Variants in CHLSN observed in about 807,000 individuals in gnomAD.
The protein encoded by CHLSN is cholesin, also known as protein cholesin.
chr7:1,010,410 C>A, the CHLSN span, among the ~76,000 whole-genome samples: 3 of 152,222 alleles, frequency 2.0e-5, no homozygotes, highest in East Asian at 5.8e-4. Flanking sequence ...CCCCCGTGGT[C>A]CACCTCCCAC....
the CHLSN span, among the ~76,000 whole-genome samples, chr7:996,472 C>T: frequency 5.1e-4 from 77 of 152,322 alleles, no homozygotes; most frequent in African/African-American, 1.8e-3. Context: ...GACGGCAGCA[C>T]AAACCCCCAA....
At chr7:1,020,883 C>T in the CHLSN span, among the ~76,000 whole-genome samples, 3 of 152,234 alleles carry the variant, frequency 2.0e-5, no homozygotes, top group Non-Finnish European at 4.4e-5. Context: ...CCGTTTGTAA[C>T]GTCCTGATAC....
the CHLSN span, among the ~76,000 whole-genome samples, chr7:1,122,420 C>T: frequency 2.6e-5 from 4 of 152,322 alleles, no homozygotes; most frequent in East Asian, 3.9e-4. Flanking sequence ...AGCAGCCACT[C>T]GGCTGGCTCT....
At chr7:1,038,289 G>A in the CHLSN span, among the ~76,000 whole-genome samples, 6 of 95,014 alleles carry the variant, frequency 6.3e-5, 2 homozygotes, top group East Asian at 3.3e-4. Flanking sequence ...CAGCCATGCC[G>A]TCCGGGAGGG....
chr7:1,118,799 CA>C, the CHLSN span, among the ~76,000 whole-genome samples: 7,758 of 74,894 alleles, frequency 0.1, 88 homozygotes, highest in African/African-American at 0.11. Flanking sequence ...CCATCTCTAC[CA>C]AAAAAAAAAA....
At chr7:1,127,588 CCTTT>C in the CHLSN span, among the ~76,000 whole-genome samples, 5 of 151,714 alleles carry the variant, frequency 3.3e-5, no homozygotes, top group African/African-American at 4.8e-5. Flanking sequence ...TGGTATATTT[CCTTT>C]CTGTCTTTTT....
the CHLSN span, among the ~76,000 whole-genome samples, chr7:1,120,464 G>C: frequency 6.6e-6 from 1 of 152,042 alleles, no homozygotes; most frequent in Non-Finnish European, 1.5e-5. Context: ...GCCAATTTTT[G>C]TATTTTTTAT....
the CHLSN span, among the ~76,000 whole-genome samples, chr7:1,132,430 C>T: frequency 2.0e-5 from 3 of 152,088 alleles, no homozygotes; most frequent in African/African-American, 4.8e-5. Context: ...CTGTGGCTCA[C>T]GCCTCTAATC....
chr7:1,002,696 G>A, the CHLSN span, among the ~76,000 whole-genome samples: 2 of 81,430 alleles, frequency 2.5e-5, no homozygotes, highest in African/African-American at 7.0e-5. Context: ...CGGGTGAGTG[G>A]AGCCCTGTGG....
chr7:1,074,147 C>T, the CHLSN span, among the ~76,000 whole-genome samples: 1 of 10,626 alleles, frequency 9.4e-5, no homozygotes, highest in African/African-American at 4.2e-4. Flanking sequence ...GCTGCCGTCA[C>T]GCCCCCGACC....
chr7:983,161 C>CG, the CHLSN span: 37 of 1,409,428 alleles, frequency 2.6e-5, no homozygotes, highest in South Asian at 7.5e-5. Flanking sequence ...TATAAGGGTG[C>CG]GGGGGGGACG....
chr7:1,103,677 C>A, the CHLSN span, among the ~76,000 whole-genome samples: 1 of 152,210 alleles, frequency 6.6e-6, no homozygotes, highest in African/African-American at 2.4e-5. Context: ...TCATTATGAT[C>A]GAGTTTAAAC....
the CHLSN span, among the ~76,000 whole-genome samples, chr7:1,126,115 A>AT: frequency 6.6e-6 from 1 of 152,052 alleles, no homozygotes; most frequent in African/African-American, 2.4e-5. Flanking sequence ...TAATCCCAGC[A>AT]CTTGGGAGGC....
chr7:1,100,842 G>A, the CHLSN span, among the ~76,000 whole-genome samples: 14 of 152,108 alleles, frequency 9.2e-5, no homozygotes, highest in South Asian at 4.1e-4. Flanking sequence ...ACGACACCCC[G>A]AAAGGACAGC....
chr7:1,061,167 C>G, the CHLSN span, among the ~76,000 whole-genome samples: 1 of 152,218 alleles, frequency 6.6e-6, no homozygotes, highest in African/African-American at 2.4e-5. Context: ...ATTTCAATTT[C>G]TCAGTGGCTT....
At chr7:996,772 G>A in the CHLSN span, among the ~76,000 whole-genome samples, 3 of 152,356 alleles carry the variant, frequency 2.0e-5, no homozygotes, top group South Asian at 6.2e-4. Flanking sequence ...ATTCTGTGCG[G>A]CCTAAGTGTG....
chr7:1,014,238 A>G, the CHLSN span, among the ~76,000 whole-genome samples: 2 of 152,256 alleles, frequency 1.3e-5, no homozygotes, highest in Non-Finnish European at 2.9e-5. Flanking sequence ...CACCTTCCAG[A>G]GAAGAGAGCC....
the CHLSN span, among the ~76,000 whole-genome samples, chr7:1,114,517 C>G: frequency 0.25 from 37,576 of 152,236 alleles, 5,015 homozygotes; most frequent in African/African-American, 0.32. Context: ...GTGGGTAAAT[C>G]AGCTTTGGTT....
the CHLSN span, among the ~76,000 whole-genome samples, chr7:995,721 G>A: frequency 1.3e-5 from 2 of 152,266 alleles, no homozygotes; most frequent in Non-Finnish European, 2.9e-5. Context: ...GGTTCGTGCT[G>A]TGCAACGTGC....
Sources: allele counts gnomAD v4.1 joint callset (sites outside exome capture counted in the v4.1 genomes callset), GRCh38; gene constraint gnomAD v4.1.1; transcripts MANE v1.5; gene names NCBI Gene and HGNC (gene_info 2026-07-23, HGNC 2026-07-21).